Variants in PTPN23 observed in about 807,000 individuals in gnomAD.
The protein encoded by PTPN23 is tyrosine-protein phosphatase non-receptor type 23.
PTPN23 carries 72 observed loss-of-function variants against 156.3 expected under a neutral mutation model. The ratio of observed to expected loss-of-function variants is 0.46; its 90% CI spans 0.38 to 0.56. The LOEUF (loss-of-function observed/expected upper bound fraction) is 0.56, where lower values mean the gene tolerates loss of function less well. Ranked by LOEUF, PTPN23 falls within the 20% of genes least tolerant of loss-of-function variation. The pLI is 0.00. For synonymous variants in PTPN23, 957 were observed against 899.6 expected (o/e 1.06, Z -1.14); for missense variants, 1,974 against 2,171.5 (o/e 0.91, Z 1.81).
rs770578441 is a variant in PTPN23, at chr3:47,410,250, G to A, written c.2452G>A (p.Gly818Arg). The stretch of plus-strand genomic sequence containing the variant: ...GCCCCATGCAATGCCCGTAGCACCT[G>A]GGCCTGCCCTCTACCCAGCCCCTGC... ...PGPHAMPVAP[G>R]PALYPAPAYT... Residue 818 changes from glycine (G) to arginine (R), a missense_variant, in exon 20 of 25, where the codon GGG becomes AGG. Physicochemically the swap from Gly to Arg is moderately radical, Grantham distance 125. Transcript: ENST00000265562. 20 of 1,610,870 alleles carry A rather than the reference G, an allele frequency of 1.2e-5. 1 individual carries two copies. In the South Asian group the frequency reaches 2.2e-4, roughly 18 times the overall value.
intron 1 of PTPN23, among the ~76,000 whole-genome samples, chr3:47,391,714 T>C (rs1704777263): frequency 6.6e-6 from 1 of 152,116 alleles, no homozygotes; most frequent in African/African-American, 2.4e-5. Context: ...GAGTCTCCTG[T>C]CCATCTGATT....
intron 2 of PTPN23, among the ~76,000 whole-genome samples, chr3:47,398,153 G>A (rs79271835): frequency 0.13 from 20,020 of 152,156 alleles, 1,854 homozygotes; most frequent in East Asian, 0.36. Context: ...AAAATTAGTC[G>A]GGCATGGTAG....
Position 47,405,198 on chromosome 3 carries a change from G to C in PTPN23, c.364+117G>C, listed in dbSNP as rs542985447. The C allele has an allele frequency of 3.2e-6, 3 of 925,202 alleles. No individual in the cohort carries two copies. In the Admixed American group the frequency reaches 5.9e-5, roughly 18 times the overall value. 57.3% of individuals were successfully genotyped at this position (925,202 alleles called of 1,614,324 possible). A position where few individuals can be genotyped will look rare whatever the true frequency, so the allele number is the denominator to read the frequency against. On this transcript the variant is annotated intron_variant, in intron 4 of 24. Coordinates refer to ENST00000265562, the MANE Select transcript of PTPN23 (RefSeq NM_015466.4). The surrounding 1 kb of genome is among the most constrained non-coding windows in gnomAD (Gnocchi z 4.7). ...ATAAAGGGAGGACTCCAGGATTCCC[G>C]CCCCTCCACTGACCTCCCCACAGCC...
rs1157741910 is a variant in PTPN23 at position 47,408,947 on chromosome 3, A to G, written c.1502A>G (p.Tyr501Cys). Residue 501 changes from tyrosine to cysteine, a missense_variant, in exon 16 of 25, where the codon TAC (tyrosine) becomes TGC (cysteine). Transcript: ENST00000265562. ...LAEVRREWAK[Y>C]MEVHEKASFT... ...GAGGTGAGGCGAGAATGGGCCAAGT[A>G]CATGGAAGTCCATGAGAAGGCCTCC... is the stretch of plus-strand genomic sequence containing the variant. The G allele has an allele frequency of 1.2e-6, 2 of 1,614,240 alleles. No individual in the cohort carries two copies. The highest frequency in any genetic ancestry group is 1.7e-6 in the Non-Finnish European group (2 of 1,180,036).
intron 1 of PTPN23, among the ~76,000 whole-genome samples, chr3:47,394,304 A>G (rs1365495105): frequency 6.6e-6 from 1 of 152,220 alleles, no homozygotes; most frequent in East Asian, 1.9e-4. Flanking sequence ...TGCCGTCGGC[A>G]CACAGTATGT....
chr3:47,387,403 CAA>C (rs34969941), intron 1 of PTPN23, among the ~76,000 whole-genome samples: 1 of 107,920 alleles, frequency 9.3e-6, no homozygotes. Flanking sequence ...CCTGTCTCTA[CAA>C]AAAAAAAAAA....
Position 47,407,384 on chromosome 3 carries a change from G to T in PTPN23, c.923+17G>T, listed in dbSNP as rs775278632. 2.5e-6 allele frequency: 4 copies of T among 1,613,634 alleles called. No individual in the cohort carries two copies. The highest frequency in any genetic ancestry group is 3.4e-6 in the Non-Finnish European group (4 of 1,179,752). ...TGGGGGAAAGTGAGTCTGTGGGGGT[G>T]GCCCTGGTTCCCTCTTTTTGTGAAG... is the stretch of plus-strand genomic sequence containing the variant. On this transcript the variant is annotated intron_variant, in intron 11 of 24. Coordinates refer to ENST00000265562, the MANE Select transcript of PTPN23 (RefSeq NM_015466.4). The surrounding 1 kb of genome is among the most constrained non-coding windows in gnomAD (Gnocchi z 4.0).
intron 15 of PTPN23, 125 bp from the exon 16 acceptor site, chr3:47,408,651 G>T (rs1280384902): frequency 7.0e-7 from 1 of 1,423,756 alleles, no homozygotes; most frequent in South Asian, 1.4e-5. Context: ...CTTGCACCCT[G>T]CTCAGTGTGC....
rs755253997 is a variant in PTPN23, at chr3:47,409,587, G to A, written c.1949+19G>A. 5 of 1,612,634 alleles carry A rather than the reference G, an allele frequency of 3.1e-6. No homozygotes were observed. Among genetic ancestry groups the A allele is most frequent in the South Asian group, 1.1e-5 (1 of 90,926 alleles). On this transcript the variant is annotated intron_variant, in intron 18 of 24. Coordinates refer to ENST00000265562, the MANE Select transcript of PTPN23 (RefSeq NM_015466.4). ...ACCAAAAGTCAGTGCCCAGTCCTCTGCTCTTTCCCGGAGCCACCTGGAGCC... is the reference window on the plus strand; with the variant it reads ...ACCAAAAGTCAGTGCCCAGTCCTCTACTCTTTCCCGGAGCCACCTGGAGCC...
chr3:47,406,878 C>T lies in PTPN23; in HGVS notation c.807+128C>T. 7.7e-7 allele frequency: 1 copy of T among 1,306,452 alleles called. No homozygotes were observed. The highest frequency in any genetic ancestry group is 1.1e-6 in the Non-Finnish European group (1 of 935,528). The allele number at this position is 1,306,452 out of a possible 1,614,324, so 80.9% of individuals were successfully genotyped here. Reference sequence around the variant, plus strand: ...ACCCTGGCCATCACCCTGCTGGAGGCCTGGTGTCTTAAGTGTTGTCCCATC... The same window carrying T: ...ACCCTGGCCATCACCCTGCTGGAGGTCTGGTGTCTTAAGTGTTGTCCCATC... On this transcript the variant is annotated intron_variant, in intron 9 of 24. Transcript: ENST00000265562. The surrounding 1 kb of genome is among the most constrained non-coding windows in gnomAD (Gnocchi z 5.8).
chr3:47,401,729 T>C (rs908851286), intron 2 of PTPN23, among the ~76,000 whole-genome samples: 9 of 152,156 alleles, frequency 5.9e-5, no homozygotes, highest in Admixed American at 6.5e-5. Context: ...TTGAGAAGCA[T>C]TGGCCTAATG....
intron 1 of PTPN23, among the ~76,000 whole-genome samples, chr3:47,391,577 A>G (rs1270538732): frequency 6.6e-6 from 1 of 152,210 alleles, no homozygotes; most frequent in Non-Finnish European, 1.5e-5. Context: ...GATGAGATTC[A>G]GATAGAATGT....
At position 47,406,687 on chromosome 3, in the gene PTPN23, T is replaced by A. The variant is rs756771320; in HGVS notation, c.760-16T>A. ...AGCTCAGGAAGCAAGTCGTGGCGTC[T>A]CTTCTTCTTTCCCAGCTGCACATGG... On this transcript the variant is annotated splice_polypyrimidine_tract_variant and intron_variant, in intron 8 of 24. Coordinates refer to ENST00000265562, the MANE Select transcript of PTPN23 (RefSeq NM_015466.4). The surrounding 1 kb of genome is among the most constrained non-coding windows in gnomAD (Gnocchi z 5.8). 3.1e-6 allele frequency: 5 copies of A among 1,613,588 alleles called. No homozygotes were observed. Among genetic ancestry groups the A allele is most frequent in the Non-Finnish European group, 4.2e-6 (5 of 1,179,798 alleles).
At chr3:47,408,608 C>A in intron 15 of PTPN23, 118 bp downstream of exon 15, 1 of 1,443,144 alleles carries the variant, frequency 6.9e-7, no homozygotes, top group South Asian at 1.4e-5. Flanking sequence ...CTGGCTTGGG[C>A]ATCCACACCC....
intron 2 of PTPN23, among the ~76,000 whole-genome samples, chr3:47,401,198 G>T (rs1366455354): frequency 7.0e-6 from 1 of 142,484 alleles, no homozygotes; most frequent in Admixed American, 7.1e-5. Flanking sequence ...ACTGCGTCCG[G>T]CCTTTTATTT....
At position 47,404,640 on chromosome 3, in the gene PTPN23, C is replaced by A. The variant is rs774087799; in HGVS notation, c.160-12C>A. The A allele has an allele frequency of 3.1e-6, 5 of 1,613,032 alleles. No homozygotes were observed. In the African/African-American group the frequency reaches 6.7e-5, roughly 22 times the overall value. On this transcript the variant is annotated splice_polypyrimidine_tract_variant and intron_variant, in intron 2 of 24. Coordinates refer to ENST00000265562, the MANE Select transcript of PTPN23 (RefSeq NM_015466.4). ...ATGACAACAGGCCTGCTTCTCCCATCCTGCCCCCCAGAATGCTGTCCGTGT... is the reference window on the plus strand; with the variant it reads ...ATGACAACAGGCCTGCTTCTCCCATACTGCCCCCCAGAATGCTGTCCGTGT...
intron 23 of PTPN23, 36 bp from the exon 24 acceptor site, chr3:47,412,478 C>T (rs1223906429): frequency 1.2e-6 from 2 of 1,611,564 alleles, no homozygotes; most frequent in Admixed American, 1.7e-5. Flanking sequence ...GTGACGGGCC[C>T]CTGCCCAGCT....
At chr3:47,403,682 G>A (rs1415250178) in intron 2 of PTPN23, among the ~76,000 whole-genome samples, 1 of 151,976 alleles carries the variant, frequency 6.6e-6, no homozygotes, top group Non-Finnish European at 1.5e-5. Flanking sequence ...GCACCATCAC[G>A]CCTAGATAAT....
rs141113890 is a variant in PTPN23 at position 47,409,426 on chromosome 3, G to A, written c.1807G>A (p.Glu603Lys). 1.9e-5 allele frequency: 31 copies of A among 1,614,122 alleles called. No homozygotes were observed. In the East Asian group the frequency reaches 2.9e-4, roughly 15 times the overall value. ...CCCACCCCTTCCTCAGAAGTTGTTC[G>A]AGGAGCAGCTGAAAAAGTATGACCA... ...TDHSEMKKLFEEQLKKYDQLK... is the reference protein window; with the variant it reads ...TDHSEMKKLFKEQLKKYDQLK... Residue 603 changes from glutamate (E) to lysine (K), a missense_variant, in exon 18 of 25, where the codon GAG (glutamate) becomes AAG (lysine). Glu to Lys is a moderately conservative substitution (Grantham distance 56). This residue lies in a region of PTPN23 where 726 missense variants were observed against 929.5 expected (regional missense o/e 0.78). Transcript: ENST00000265562.
Sources: allele counts gnomAD v4.1 joint callset (sites outside exome capture counted in the v4.1 genomes callset), GRCh38; gene constraint gnomAD v4.1.1; regional missense constraint gnomAD v4.1.1; non-coding constraint Gnocchi (gnomAD v3.1); transcripts MANE v1.5; gene names NCBI Gene and HGNC (gene_info 2026-07-23, HGNC 2026-07-21).